Variants in ADGRL4 observed in about 807,000 individuals in gnomAD.
The protein encoded by ADGRL4 is EGF, latrophilin and seven transmembrane domain containing 1.
ADGRL4 carries 90 observed loss-of-function variants against 74.8 expected under a neutral mutation model. That is an observed-to-expected ratio of 1.20 (90% CI 1.02 to 1.43). The LOEUF (loss-of-function observed/expected upper bound fraction) is 1.43. Ranked by LOEUF, ADGRL4 falls within the 40% of genes most tolerant of loss-of-function variation. The probability of loss-of-function intolerance (pLI) is 0.00; values close to 1 mark genes in which losing one functional copy is unlikely to be tolerated. For synonymous variants in ADGRL4, 311 were observed against 279.2 expected, an observed-to-expected ratio of 1.11 and a Z score of -1.14; for missense variants, 881 against 814.3, an observed-to-expected ratio of 1.08 and a Z score of -1.00.
intron 2 of ADGRL4, among the ~76,000 whole-genome samples, chr1:78,977,619 A>G (rs1300648721): frequency 6.6e-6 from 1 of 151,874 alleles, no homozygotes; most frequent in Non-Finnish European, 1.5e-5. Context: ...AAGGAGAGAA[A>G]AAGAGACCAA....
At chr1:79,006,347 C>G (rs749319120) in intron 1 of ADGRL4, among the ~76,000 whole-genome samples, 1 of 152,138 alleles carries the variant, frequency 6.6e-6, no homozygotes, top group Admixed American at 6.5e-5. Flanking sequence ...TGTTAATGGT[C>G]TGGATTTCCC....
chr1:78,945,196 A>ATATATC (rs1553136479), intron 3 of ADGRL4, among the ~76,000 whole-genome samples: 6 of 148,270 alleles, frequency 4.0e-5, no homozygotes, highest in African/African-American at 1.2e-4. Context: ...ATATATATAT[A>ATATATC]TCTCAATAGG....
At chr1:78,936,185 G>GT in intron 7 of ADGRL4, 110 bp downstream of exon 7, 2 of 968,598 alleles carry the variant, frequency 2.1e-6, no homozygotes, top group Non-Finnish European at 3.0e-6. Flanking sequence ...TACATCAAAT[G>GT]TTTTTATAGG....
At position 79,005,185 on chromosome 1, in the gene ADGRL4, A is replaced by C. The variant is rs1035557353; in HGVS notation, c.57T>G (p.Thr19=). The part of the protein sequence containing the change: ...VFSTLLNCSY[T]QNCTKTPCLP... Reference sequence around the variant, plus strand: ...GACAAGGTGTCTTGGTGCAATTTTGAGTATAGGAACAATTCAACAAAGTGG... The same window carrying C: ...GACAAGGTGTCTTGGTGCAATTTTGCGTATAGGAACAATTCAACAAAGTGG... The change falls in exon 2 of 15, where the codon ACT becomes ACG. Residue 19 remains threonine, a synonymous_variant. Transcript: ENST00000370742. The C allele has an allele frequency of 6.2e-7, 1 of 1,613,572 alleles. No homozygotes were observed. The highest frequency in any genetic ancestry group is 1.7e-4 in the Middle Eastern group (1 of 6,052).
rs1353610070 is a variant in ADGRL4, at chr1:78,937,799, T to C, written c.760+8A>G. On this transcript the variant is annotated splice_region_variant and intron_variant, in intron 6 of 14. Coordinates refer to ENST00000370742, the MANE Select transcript of ADGRL4 (RefSeq NM_022159.4). Reference sequence around the variant, plus strand: ...ACAATTACTTTTAAATGGACCCTTGTTTCTTACCTATATCCGTTGAATTTG... The same window carrying C: ...ACAATTACTTTTAAATGGACCCTTGCTTCTTACCTATATCCGTTGAATTTG... The C allele has an allele frequency of 1.3e-6, 2 of 1,597,182 alleles. No homozygotes were observed. The highest frequency in any genetic ancestry group is 1.7e-6 in the Non-Finnish European group (2 of 1,175,372).
At chr1:78,923,732 A>AT (rs2100674697) in intron 8 of ADGRL4, among the ~76,000 whole-genome samples, 1 of 152,104 alleles carries the variant, frequency 6.6e-6, no homozygotes, top group Non-Finnish European at 1.5e-5. Context: ...TCTCAGTGAA[A>AT]ATAAAGTATA....
intron 2 of ADGRL4, among the ~76,000 whole-genome samples, chr1:78,970,697 G>A (rs1183458670): frequency 6.6e-6 from 1 of 152,144 alleles, no homozygotes; most frequent in African/African-American, 2.4e-5. Flanking sequence ...ACTTTTGAAT[G>A]CACCCTGAAC....
chr1:78,961,375 T>C (rs1649950411), intron 2 of ADGRL4, among the ~76,000 whole-genome samples: 1 of 152,094 alleles, frequency 6.6e-6, no homozygotes, highest in Non-Finnish European at 1.5e-5. Context: ...TCTCTTGACC[T>C]CGTGATCCGC....
intron 3 of ADGRL4, among the ~76,000 whole-genome samples, chr1:78,945,177 A>AAAATATATAT (rs376405445): frequency 1.8e-3 from 233 of 127,872 alleles, no homozygotes; most frequent in African/African-American, 6.6e-3. Context: ...AAAAAAAAAA[A>AAAATATATAT]ATATATATAT....
chr1:78,905,855 G>A lies in ADGRL4; in HGVS notation c.1749+11779C>T, dbSNP rs187408687. Among the ~76,000 whole-genome samples, 211 of 151,944 alleles carry A rather than the reference G, an allele frequency of 1.4e-3. 2 individuals are homozygous for A. Among genetic ancestry groups the A allele is most frequent in the Admixed American group, 4.4e-3 (67 of 15,234 alleles). On this transcript the variant is annotated intron_variant, in intron 12 of 14. Coordinates refer to ENST00000370742, the MANE Select transcript of ADGRL4 (RefSeq NM_022159.4). ...AGCCATTAATTTGACTAAACATTTC[G>A]AAAAATTACATTTTTATTTTGTCTC... is the stretch of plus-strand genomic sequence containing the variant.
At chr1:78,953,999 T>C (rs1344613936) in intron 2 of ADGRL4, among the ~76,000 whole-genome samples, 2 of 151,942 alleles carry the variant, frequency 1.3e-5, no homozygotes, top group Non-Finnish European at 2.9e-5. Context: ...AATACAAAAT[T>C]ACTGGGCATG....
At chr1:78,935,501 G>A (rs1649333496) in intron 7 of ADGRL4, among the ~76,000 whole-genome samples, 1 of 149,872 alleles carries the variant, frequency 6.7e-6, no homozygotes, top group Admixed American at 6.7e-5. Flanking sequence ...CCTGCATGCT[G>A]TGCACGTTTC....
chr1:78,925,533 T>A (rs1649093199), intron 8 of ADGRL4, among the ~76,000 whole-genome samples: 1 of 152,032 alleles, frequency 6.6e-6, no homozygotes, highest in Non-Finnish European at 1.5e-5. Context: ...CTGAAGATAT[T>A]ACTTATGAGA....
Position 78,977,595 on chromosome 1 carries a change from T to C in ADGRL4, c.172+27475A>G, listed in dbSNP as rs567537355. On this transcript the variant is annotated intron_variant, in intron 2 of 14. Transcript: ENST00000370742. ...TATAAAGTTACATTAGGTAAGACCA[T>C]GCGAAGCTGTTGCAAGGAGAGAAAA... Among the ~76,000 whole-genome samples, 7 of 152,044 alleles carry C rather than the reference T, an allele frequency of 4.6e-5. No individual in the cohort carries two copies. The South Asian group carries it at 6.2e-4, about 13-fold the overall frequency.
intron 9 of ADGRL4, 44 bp downstream of exon 9, chr1:78,921,558 GGAAAAAAAACA>G: frequency 8.7e-7 from 1 of 1,152,332 alleles, no homozygotes; most frequent in Non-Finnish European, 1.2e-6. Flanking sequence ...CGAATGATGC[GGAAAAAAAACA>G]GAAAAAGCAA....
intron 6 of ADGRL4, 36 bp from the exon 7 acceptor site, chr1:78,936,447 T>G: frequency 6.7e-7 from 1 of 1,502,818 alleles, no homozygotes; most frequent in Non-Finnish European, 9.0e-7. Context: ...AAAGTGAAAT[T>G]ACTTTAATCA....
intron 13 of ADGRL4, 138 bp from the exon 14 acceptor site, chr1:78,891,830 A>G (rs1382610690): frequency 1.2e-5 from 8 of 682,874 alleles, no homozygotes; most frequent in Non-Finnish European, 1.4e-5. Flanking sequence ...AGAATTTCCA[A>G]ACTGCTAAGT....
At chr1:78,969,607 GA>G (rs1333596745) in intron 2 of ADGRL4, among the ~76,000 whole-genome samples, 20 of 152,012 alleles carry the variant, frequency 1.3e-4, no homozygotes, top group Non-Finnish European at 2.6e-4. Context: ...AAGGTGTGAG[GA>G]AATAGTTACT....
chr1:78,920,178 C>T lies in ADGRL4; in HGVS notation c.1461+5G>A, dbSNP rs972219843. The T allele has an allele frequency of 6.2e-7, 1 of 1,604,822 alleles. No homozygotes were observed. Among genetic ancestry groups the T allele is most frequent in the Non-Finnish European group, 8.5e-7 (1 of 1,173,842 alleles). The stretch of plus-strand genomic sequence containing the variant: ...ACAAAAATAGAGATTAGGATGCCTA[C>T]ATACCTTATTAGTATTTGTATTGAT... On this transcript the variant is annotated splice_donor_5th_base_variant and intron_variant, in intron 10 of 14. Coordinates refer to ENST00000370742, the MANE Select transcript of ADGRL4 (RefSeq NM_022159.4).
Sources: gnomAD v4.1 joint callset for allele counts (sites outside exome capture counted in the v4.1 genomes callset) on GRCh38, gnomAD v4.1.1 for gene constraint, MANE v1.5 for transcripts, NCBI Gene and HGNC (gene_info 2026-07-23, HGNC 2026-07-21) for gene names.